Variants in ZDHHC20 observed in about 807,000 individuals in gnomAD.
ZDHHC20 encodes zDHHC palmitoyltransferase 20.
A neutral mutation model predicts 57.8 loss-of-function variants in ZDHHC20; 43 were observed. The ratio of observed to expected loss-of-function variants is 0.74; its 90% CI spans 0.58 to 0.96. ZDHHC20 has a LOEUF of 0.96. Ranked by LOEUF, ZDHHC20 falls within the 40% of genes least tolerant of loss-of-function variation. The probability of loss-of-function intolerance (pLI) is 0.00; values close to 1 mark genes in which losing one functional copy is unlikely to be tolerated. For synonymous variants in ZDHHC20, 157 were observed against 153.0 expected (o/e 1.03, Z -0.19); for missense variants, 391 against 441.1 (o/e 0.89, Z 1.02).
At position 21,400,497 on chromosome 13, in the gene ZDHHC20, G is replaced by T. The variant is rs1231286645; in HGVS notation, c.474-4C>A. 9.8e-6 allele frequency: 15 copies of T among 1,533,158 alleles called. No individual in the cohort carries two copies. The highest frequency in any genetic ancestry group is 1.3e-5 in the Non-Finnish European group (15 of 1,142,368). 95.0% of individuals were successfully genotyped at this position (1,533,158 alleles called of 1,614,324 possible). On this transcript the variant is annotated splice_polypyrimidine_tract_variant and splice_region_variant and intron_variant, in intron 6 of 12. Transcript: ENST00000400590. ...AAATCCCACACAGTTATTCACCCTGGAAAAATAAAGAAAGCCACATTATAA... is the reference window on the plus strand; with the variant it reads ...AAATCCCACACAGTTATTCACCCTGTAAAAATAAAGAAAGCCACATTATAA...
At chr13:21,433,024 GC>G (rs549439136) in intron 1 of ZDHHC20, among the ~76,000 whole-genome samples, 60 of 152,258 alleles carry the variant, frequency 3.9e-4, no homozygotes, top group Admixed American at 8.5e-4. Flanking sequence ...ATTACATATA[GC>G]TTTCAGTAAA....
intron 1 of ZDHHC20, among the ~76,000 whole-genome samples, chr13:21,453,484 C>T (rs1324687484): frequency 6.6e-6 from 1 of 152,202 alleles, no homozygotes; most frequent in Non-Finnish European, 1.5e-5. Context: ...GAATACTCCA[C>T]CCAGCAACAA....
intron 2 of ZDHHC20, among the ~76,000 whole-genome samples, chr13:21,425,043 T>A (rs781298436): frequency 7.9e-5 from 12 of 152,210 alleles, no homozygotes; most frequent in Non-Finnish European, 1.3e-4. Flanking sequence ...TATGCCCAAT[T>A]AAATTTTGTT....
chr13:21,387,547 C>A lies in ZDHHC20; in HGVS notation c.815G>T (p.Gly272Val). ...AAGTAGCCAATATTTCTTTTCATCA[C>A]CAAAGACTTGTCTCCAATTTTTACT... is the stretch of plus-strand genomic sequence containing the variant. ...GCSKNWRQVF[G>V]DEKKYWLLPI... The change falls in exon 9 of 13, where the codon GGT becomes GTT. Residue 272 changes from glycine (G) to valine (V), a missense_variant. By Grantham distance (109) the Gly-to-Val change is moderately radical. This residue lies in a region of ZDHHC20 where 197 missense variants were observed against 220.8 expected (regional missense o/e 0.89). Transcript: ENST00000400590. 6.5e-7 allele frequency: 1 copy of A among 1,537,112 alleles called. No homozygotes were observed. Among genetic ancestry groups the A allele is most frequent in the Non-Finnish European group, 8.8e-7 (1 of 1,139,566 alleles).
In ZDHHC20 at chr13:21,401,556, TATGAGTAAACTGGCCTTCA is replaced by T; in HGVS notation, c.473+78_473+96del. 3 of 1,027,990 alleles carry T rather than the reference TATGAGTAAACTGGCCTTCA, an allele frequency of 2.9e-6. No homozygotes were observed. In the South Asian group the frequency reaches 4.8e-5, roughly 16 times the overall value. 63.7% of individuals were successfully genotyped at this position (1,027,990 alleles called of 1,614,324 possible). ...ATGTAAAGAGATCAATCTTAATATC[TATGAGTAAACTGGCCTTCA>T]AAATTTAGGAATACTGAAGTTACTC... On this transcript the variant is annotated intron_variant, in intron 6 of 12. Coordinates refer to ENST00000400590, the MANE Select transcript of ZDHHC20 (RefSeq NM_001330059.2).
intron 1 of ZDHHC20, among the ~76,000 whole-genome samples, chr13:21,442,209 C>T (rs78898200): frequency 0.034 from 5,244 of 152,138 alleles, 282 homozygotes; most frequent in African/African-American, 0.12. Context: ...GAATCTCAGC[C>T]TAGCTTGTAT....
intron 3 of ZDHHC20, among the ~76,000 whole-genome samples, chr13:21,414,415 C>T (rs1285360848): frequency 6.6e-6 from 1 of 150,534 alleles, no homozygotes; most frequent in Non-Finnish European, 1.5e-5. Context: ...GGCTAGAGTG[C>T]AGTGGAGTGA....
At chr13:21,408,601 A>C (rs1437570192) in intron 4 of ZDHHC20, among the ~76,000 whole-genome samples, 2 of 152,108 alleles carry the variant, frequency 1.3e-5, no homozygotes, top group East Asian at 1.9e-4. Flanking sequence ...AATACCCTTT[A>C]TTTCTTTCTC....
Position 21,381,431 on chromosome 13 carries a change from T to C in ZDHHC20, c.1060+3A>G, listed in dbSNP as rs773018217. The C allele has an allele frequency of 1.9e-6, 3 of 1,607,332 alleles. No individual in the cohort carries two copies. In the African/African-American group the frequency reaches 4.0e-5, roughly 21 times the overall value. On this transcript the variant is annotated splice_donor_region_variant and intron_variant, in intron 11 of 12. Transcript: ENST00000400590. Reference sequence around the variant, plus strand: ...AAGCAGTGTTTCAAATGAGAACTATTACCTGATTTGACGATGCCTTCTTCA... The same window carrying C: ...AAGCAGTGTTTCAAATGAGAACTATCACCTGATTTGACGATGCCTTCTTCA...
At chr13:21,424,680 C>T (rs552461325) in intron 2 of ZDHHC20, among the ~76,000 whole-genome samples, 9 of 150,450 alleles carry the variant, frequency 6.0e-5, no homozygotes, top group Non-Finnish European at 1.3e-4. Flanking sequence ...CACTGCACTC[C>T]AGCCTGGGCA....
intron 9 of ZDHHC20, among the ~76,000 whole-genome samples, chr13:21,384,125 G>C (rs943577715): frequency 6.6e-6 from 1 of 151,658 alleles, no homozygotes; most frequent in Non-Finnish European, 1.5e-5. Flanking sequence ...ACTGAATTGA[G>C]ATGACAGAGG....
At chr13:21,424,517 G>C (rs1276039849) in intron 2 of ZDHHC20, among the ~76,000 whole-genome samples, 2 of 152,114 alleles carry the variant, frequency 1.3e-5, no homozygotes, top group Non-Finnish European at 2.9e-5. Context: ...AGACCATCCT[G>C]ACTAACACAG....
chr13:21,414,494 G>A (rs933032626), intron 3 of ZDHHC20, among the ~76,000 whole-genome samples: 1 of 149,854 alleles, frequency 6.7e-6, no homozygotes, highest in Non-Finnish European at 1.5e-5. Context: ...CCGAGTAGCT[G>A]GGACTACAGG....
At chr13:21,410,735 C>T (rs1396824255) in intron 4 of ZDHHC20, among the ~76,000 whole-genome samples, 1 of 152,210 alleles carries the variant, frequency 6.6e-6, no homozygotes, top group Non-Finnish European at 1.5e-5. Context: ...CGTCCCAGGT[C>T]AACTTCAGAC....
In ZDHHC20 at chr13:21,422,296, T is replaced by C. The variant is rs1311995359; in HGVS notation, c.146-1132A>G. ...AAAAGAAAAGAAAGACCAAGAACAATGTAAGGAAGCTTTTGTAAAAGCTAA... is the reference window on the plus strand; with the variant it reads ...AAAAGAAAAGAAAGACCAAGAACAACGTAAGGAAGCTTTTGTAAAAGCTAA... On this transcript the variant is annotated intron_variant, in intron 2 of 12. Transcript: ENST00000400590. 3.9e-5 allele frequency among the ~76,000 whole-genome samples: 6 copies of C among 151,996 alleles called. No individual in the cohort carries two copies. In the East Asian group the frequency reaches 7.7e-4, roughly 20 times the overall value.
chr13:21,402,931 AC>A, intron 4 of ZDHHC20, 65 bp from the exon 5 acceptor site: 1 of 1,295,168 alleles, frequency 7.7e-7, no homozygotes, highest in Non-Finnish European at 1.1e-6. Flanking sequence ...TGACATTAAA[AC>A]TTGATTTTCT....
chr13:21,399,778 C>T (rs1265445748), intron 7 of ZDHHC20, among the ~76,000 whole-genome samples: 1 of 152,012 alleles, frequency 6.6e-6, no homozygotes, highest in African/African-American at 2.4e-5. Flanking sequence ...TTCTTCCGTA[C>T]CTTGTTTTTT....
In ZDHHC20 at chr13:21,376,430, T is replaced by A; in HGVS notation, c.*266A>T. 1 of 322,492 alleles carries A rather than the reference T, an allele frequency of 3.1e-6. No individual in the cohort carries two copies. The highest frequency in any genetic ancestry group is 5.9e-6 in the Non-Finnish European group (1 of 170,214). The allele number at this position is 322,492 out of a possible 1,614,324, so 20.0% of individuals were successfully genotyped here. On this transcript the variant is annotated 3_prime_UTR_variant, in exon 13 of 13. Coordinates refer to ENST00000400590, the MANE Select transcript of ZDHHC20 (RefSeq NM_001330059.2). The stretch of plus-strand genomic sequence containing the variant: ...TAACAGGTAAGTATTATTTCCAGAA[T>A]AACATTAAGTCACTTTTGTAGCTCT...
At chr13:21,426,607 CTTTTT>C (rs778269073) in intron 1 of ZDHHC20, among the ~76,000 whole-genome samples, 3 of 135,356 alleles carry the variant, frequency 2.2e-5, no homozygotes, top group African/African-American at 8.2e-5. Flanking sequence ...TTCTCCTTTT[CTTTTT>C]TTTTTTTTTT....
Sources: allele counts gnomAD v4.1 joint callset (sites outside exome capture counted in the v4.1 genomes callset), GRCh38; gene constraint gnomAD v4.1.1; regional missense constraint gnomAD v4.1.1; transcripts MANE v1.5; gene names NCBI Gene and HGNC (gene_info 2026-07-23, HGNC 2026-07-21).